The following LY6S variants were observed in gnomAD, a reference collection of about 807,000 sequenced individuals.
The protein encoded by LY6S is lymphocyte antigen 6 family member S, also known as lymphocyte antigen 6S.
At chr8:143,041,312 A>G in the LY6S span, among the ~76,000 whole-genome samples, 1 of 152,210 alleles carries the variant, frequency 6.6e-6, no homozygotes, top group Non-Finnish European at 1.5e-5. Context: ...TTTCTCAGGG[A>G]TGTTCCTTGC....
At chr8:143,043,374 T>G in the LY6S span, 15 of 621,138 alleles carry the variant, frequency 2.4e-5, no homozygotes, top group Non-Finnish European at 3.4e-5. Flanking sequence ...AGCAGGGCCC[T>G]GCCCCGGGGC....
At chr8:143,044,957 C>A in the LY6S span, 1 of 703,782 alleles carries the variant, frequency 1.4e-6, no homozygotes, top group Non-Finnish European at 2.0e-6. Context: ...CACCTGCCTG[C>A]AACTGGCAGC....
At chr8:143,044,769 C>T in the LY6S span, 10 of 1,367,368 alleles carry the variant, frequency 7.3e-6, no homozygotes, top group South Asian at 3.4e-5. Context: ...CTTCCAAGAC[C>T]GCCAAGCATC....
chr8:143,062,780 A>G, the LY6S span, among the ~76,000 whole-genome samples: 1 of 152,222 alleles, frequency 6.6e-6, no homozygotes, highest in Non-Finnish European at 1.5e-5. Context: ...TACAGATTTG[A>G]TGCAATCCTG....
the LY6S span, among the ~76,000 whole-genome samples, chr8:143,048,967 G>A: frequency 3.3e-5 from 5 of 152,292 alleles, no homozygotes; most frequent in East Asian, 9.7e-4. Flanking sequence ...AACCAGTGAG[G>A]CAGGGAAAGG....
At chr8:143,050,870 T>C in the LY6S span, among the ~76,000 whole-genome samples, 1 of 152,186 alleles carries the variant, frequency 6.6e-6, no homozygotes, top group Non-Finnish European at 1.5e-5. Flanking sequence ...CACTGCCACC[T>C]AATACCTCGG....
the LY6S span, chr8:143,066,706 CT>C: frequency 3.9e-5 from 6 of 154,966 alleles, no homozygotes; most frequent in Non-Finnish European, 7.2e-5. Context: ...AAATAAATAA[CT>C]TGTCTTTGAG....
the LY6S span, chr8:143,042,930 G>A: frequency 1.3e-5 from 15 of 1,188,286 alleles, no homozygotes; most frequent in African/African-American, 1.6e-5. Context: ...AGGACAAGGA[G>A]TTTAAGCAGG....
the LY6S span, among the ~76,000 whole-genome samples, chr8:143,070,230 A>G: frequency 7.3e-5 from 11 of 150,704 alleles, no homozygotes; most frequent in African/African-American, 2.7e-4. Flanking sequence ...ACCCCATTCT[A>G]CCGTAATCAC....
At chr8:143,042,830 A>C in the LY6S span, 1 of 397,574 alleles carries the variant, frequency 2.5e-6, no homozygotes, top group African/African-American at 2.1e-5. Context: ...CCTAGGTCCC[A>C]AGCAGCCAGT....
At chr8:143,070,623 A>C in the LY6S span, among the ~76,000 whole-genome samples, 1 of 148,908 alleles carries the variant, frequency 6.7e-6, no homozygotes, top group Non-Finnish European at 1.5e-5. Flanking sequence ...GGTAGCTGGG[A>C]TTACAGGCGC....
At chr8:143,069,193 T>C in the LY6S span, among the ~76,000 whole-genome samples, 1 of 152,186 alleles carries the variant, frequency 6.6e-6, no homozygotes, top group African/African-American at 2.4e-5. Flanking sequence ...CCAGAGCCCC[T>C]AGAAAGAGAC....
At chr8:143,055,682 C>T in the LY6S span, among the ~76,000 whole-genome samples, 20 of 152,248 alleles carry the variant, frequency 1.3e-4, no homozygotes, top group African/African-American at 4.3e-4. Context: ...ACAGCTTGTA[C>T]GAGCGCTTGT....
At chr8:143,071,926 A>C in the LY6S span, among the ~76,000 whole-genome samples, 1 of 152,218 alleles carries the variant, frequency 6.6e-6, no homozygotes, top group African/African-American at 2.4e-5. Context: ...AGGTTACAAC[A>C]GAAAATCCAG....
the LY6S span, among the ~76,000 whole-genome samples, chr8:143,048,995 G>A: frequency 6.6e-6 from 1 of 152,148 alleles, no homozygotes; most frequent in African/African-American, 2.4e-5. Flanking sequence ...ATGAGACGTT[G>A]GGCCCCCCAG....
At chr8:143,060,732 C>G in the LY6S span, among the ~76,000 whole-genome samples, 9 of 152,272 alleles carry the variant, frequency 5.9e-5, no homozygotes, top group East Asian at 1.5e-3. Context: ...ATCTCTTTGT[C>G]TTGTGTCTTT....
At chr8:143,070,459 TATATAATATATATATAAATATATATA>T in the LY6S span, among the ~76,000 whole-genome samples, 2 of 46,264 alleles carry the variant, frequency 4.3e-5, no homozygotes, top group African/African-American at 1.4e-4. Flanking sequence ...TATATATATA[TATATAATATATATATAAATATATATA>T]TATATTTTTT....
At chr8:143,072,269 G>A in the LY6S span, among the ~76,000 whole-genome samples, 20 of 133,280 alleles carry the variant, frequency 1.5e-4, no homozygotes, top group East Asian at 5.1e-4. Context: ...GGAGACAGCC[G>A]TCGTCCCCGG....
the LY6S span, among the ~76,000 whole-genome samples, chr8:143,060,499 T>A: frequency 1.3e-5 from 2 of 152,190 alleles, no homozygotes; most frequent in African/African-American, 4.8e-5. Context: ...ACGTAAGCTG[T>A]CCCCTCTCTC....
Sources: gnomAD v4.1 joint callset for allele counts (sites outside exome capture counted in the v4.1 genomes callset) on GRCh38, gnomAD v4.1.1 for gene constraint, MANE v1.5 for transcripts, NCBI Gene and HGNC (gene_info 2026-07-23, HGNC 2026-07-21) for gene names.